Variants in GNA12 observed in about 807,000 individuals in gnomAD.
GNA12 encodes the protein guanine nucleotide-binding protein subunit alpha-12.
A neutral mutation model predicts 26.0 loss-of-function variants in GNA12; 9 were observed. The observed-to-expected ratio is 0.35, with a 90% CI of 0.21 to 0.60. The LOEUF is 0.60. Ranked by LOEUF, GNA12 falls within the 20% of genes least tolerant of loss-of-function variation. The pLI is 0.78. For synonymous variants in GNA12, 264 were observed against 219.6 expected, an observed-to-expected ratio of 1.20 and a Z score of -1.79; for missense variants, 405 against 525.8, an observed-to-expected ratio of 0.77 and a Z score of 2.25.
chr7:2,783,341 T>C (rs1792276710), intron 2 of GNA12, among the ~76,000 whole-genome samples: 1 of 152,194 alleles, frequency 6.6e-6, no homozygotes, highest in Admixed American at 6.5e-5. Context: ...GCTAGGTATG[T>C]GGGTGACAGG....
At chr7:2,795,816 CTT>C (rs71026559) in intron 1 of GNA12, among the ~76,000 whole-genome samples, 51,413 of 137,644 alleles carry the variant, frequency 0.37, 9,539 homozygotes, top group Non-Finnish European at 0.41. Flanking sequence ...AAAAAAACAA[CTT>C]TTTTTTTTTT....
At chr7:2,808,175 C>T (rs994802186) in intron 1 of GNA12, among the ~76,000 whole-genome samples, 2 of 152,358 alleles carry the variant, frequency 1.3e-5, no homozygotes, top group East Asian at 1.9e-4. Flanking sequence ...ATATCTCTTT[C>T]GGGAATCTGT....
chr7:2,738,945 G>A (rs1341040700), intron 2 of GNA12, among the ~76,000 whole-genome samples: 1 of 151,984 alleles, frequency 6.6e-6, no homozygotes, highest in Non-Finnish European at 1.5e-5. Context: ...CTGTGCCTGT[G>A]GACACCTCGT....
chr7:2,816,884 C>T (rs1793230342), intron 1 of GNA12, among the ~76,000 whole-genome samples: 2 of 152,190 alleles, frequency 1.3e-5, no homozygotes, highest in African/African-American at 2.4e-5. Context: ...CAATGCACTC[C>T]GGTGACTTCT....
At chr7:2,755,333 G>GT (rs1416300700) in intron 2 of GNA12, among the ~76,000 whole-genome samples, 1 of 152,234 alleles carries the variant, frequency 6.6e-6, no homozygotes, top group African/African-American at 2.4e-5. Flanking sequence ...TCAAATCTGT[G>GT]TATCAATCAG....
chr7:2,747,434 C>T (rs1408214049), intron 2 of GNA12, among the ~76,000 whole-genome samples: 2 of 152,242 alleles, frequency 1.3e-5, no homozygotes, highest in Non-Finnish European at 2.9e-5. Context: ...ATGACTATCT[C>T]AGTAGATGCA....
intron 2 of GNA12, among the ~76,000 whole-genome samples, chr7:2,786,580 A>C (rs1792366938): frequency 6.6e-6 from 1 of 152,220 alleles, no homozygotes; most frequent in Non-Finnish European, 1.5e-5. Flanking sequence ...TATCTATGGA[A>C]GACTAAGCAT....
intron 1 of GNA12, among the ~76,000 whole-genome samples, chr7:2,813,559 G>C (rs764165496): frequency 2.0e-5 from 3 of 152,150 alleles, no homozygotes; most frequent in African/African-American, 7.2e-5. Context: ...GGGACATTCC[G>C]GGAGAGCTCT....
intron 2 of GNA12, among the ~76,000 whole-genome samples, chr7:2,792,883 C>G (rs1792555710): frequency 1.3e-5 from 2 of 152,180 alleles, no homozygotes; most frequent in African/African-American, 2.4e-5. Flanking sequence ...TTTGCAGGGT[C>G]TCAATGTATC....
At chr7:2,744,851 C>G (rs982949894) in intron 2 of GNA12, among the ~76,000 whole-genome samples, 14 of 152,108 alleles carry the variant, frequency 9.2e-5, no homozygotes, top group African/African-American at 3.4e-4. Context: ...AAAACCAAGG[C>G]ATGAGAACTA....
intron 2 of GNA12, among the ~76,000 whole-genome samples, chr7:2,780,051 CATAT>C (rs3996399): frequency 0.074 from 4,565 of 61,590 alleles, 123 homozygotes; most frequent in Admixed American, 0.1. Context: ...TTTCTGTGTA[CATAT>C]ATATATATAT....
chr7:2,731,856 G>T lies in GNA12; in HGVS notation c.577-106C>A, dbSNP rs1052830518. ...ATAAGAAGGAAAGAGACTGACTTTT[G>T]CAACAGGTTGAACCAGAAACCAAAA... is the stretch of plus-strand genomic sequence containing the variant. On this transcript the variant is annotated intron_variant, in intron 3 of 3. Coordinates refer to ENST00000275364, the MANE Select transcript of GNA12 (RefSeq NM_007353.3). The surrounding 1 kb of genome is among the most constrained non-coding windows in gnomAD (Gnocchi z 6.0). The T allele has an allele frequency of 9.9e-6, 6 of 604,836 alleles. No individual in the cohort carries two copies. The highest frequency in any genetic ancestry group is 1.6e-5 in the Non-Finnish European group (6 of 368,876). 37.5% of individuals were successfully genotyped at this position (604,836 alleles called of 1,614,324 possible).
At chr7:2,758,811 G>A (rs1166315290) in intron 2 of GNA12, among the ~76,000 whole-genome samples, 1 of 152,216 alleles carries the variant, frequency 6.6e-6, no homozygotes, top group Non-Finnish European at 1.5e-5. Context: ...GAACACCACA[G>A]AAGAATGGAT....
In GNA12 at chr7:2,843,193, C is replaced by T. The variant is rs114460598; in HGVS notation, c.309+660G>A. ...TTCTAAGCTCAGCCGGAGGGCACGG[C>T]CGGTTGGGCTCCTATCCCACAAATC... On this transcript the variant is annotated intron_variant, in intron 1 of 3. Transcript: ENST00000275364. Among the ~76,000 whole-genome samples the T allele has an allele frequency of 5.4e-3, 819 of 152,272 alleles. 6 individuals carry two copies. Among genetic ancestry groups the T allele is most frequent in the African/African-American group, 0.019 (775 of 41,556 alleles).
intron 2 of GNA12, among the ~76,000 whole-genome samples, chr7:2,770,488 G>C (rs990836354): frequency 2.6e-5 from 4 of 152,114 alleles, no homozygotes; most frequent in Non-Finnish European, 5.9e-5. Flanking sequence ...AGGCGTGGTG[G>C]TGCACACCTG....
chr7:2,783,534 ACC>A (rs1391559426), intron 2 of GNA12, among the ~76,000 whole-genome samples: 6 of 151,406 alleles, frequency 4.0e-5, no homozygotes. Flanking sequence ...CCACTTCGGG[ACC>A]CCCAAAAGAT....
intron 2 of GNA12, among the ~76,000 whole-genome samples, chr7:2,740,474 T>C (rs942494661): frequency 2.0e-5 from 3 of 152,178 alleles, no homozygotes; most frequent in African/African-American, 7.2e-5. Flanking sequence ...CAGAACCTGA[T>C]GGTGCTGCCA....
chr7:2,824,190 C>A (rs768409221), intron 1 of GNA12, among the ~76,000 whole-genome samples: 1 of 152,184 alleles, frequency 6.6e-6, no homozygotes, highest in Non-Finnish European at 1.5e-5. Context: ...ACTGCCCCCA[C>A]GTCCACCTGG....
At chr7:2,801,110 C>A (rs73678411) in intron 1 of GNA12, among the ~76,000 whole-genome samples, 1 of 152,304 alleles carries the variant, frequency 6.6e-6, no homozygotes, top group African/African-American at 2.4e-5. Context: ...TGCGGCCCAG[C>A]CTGGCAACAG....
Sources: allele counts gnomAD v4.1 joint callset (sites outside exome capture counted in the v4.1 genomes callset), GRCh38; gene constraint gnomAD v4.1.1; non-coding constraint Gnocchi (gnomAD v3.1); transcripts MANE v1.5; gene names NCBI Gene and HGNC (gene_info 2026-07-23, HGNC 2026-07-21).